ADAMTS17: variants seen among roughly 807,000 people sequenced by gnomAD.
ADAMTS17 encodes A disintegrin and metalloproteinase with thrombospondin motifs 17.
Under a neutral mutation model 141.5 loss-of-function variants are expected in ADAMTS17, and 113 were observed. The ratio of observed to expected loss-of-function variants is 0.80; its 90% confidence interval spans 0.69 to 0.93. ADAMTS17 has a LOEUF of 0.93. Ranked by LOEUF, ADAMTS17 falls within the 40% of genes least tolerant of loss-of-function variation. ADAMTS17 has a pLI of 0.00. For synonymous variants in ADAMTS17, 768 were observed against 630.6 expected (o/e 1.22, Z -3.27); for missense variants, 1,659 against 1,517.9 (o/e 1.09, Z -1.54).
intron 8 of ADAMTS17, among the ~76,000 whole-genome samples, chr15:100,198,132 C>T (rs2041189905): frequency 6.6e-6 from 1 of 152,094 alleles, no homozygotes; most frequent in Non-Finnish European, 1.5e-5. Context: ...TGTAACAAAC[C>T]TGCACATTCT....
At chr15:100,160,846 C>A (rs1204979450) in intron 8 of ADAMTS17, among the ~76,000 whole-genome samples, 1 of 152,180 alleles carries the variant, frequency 6.6e-6, no homozygotes, top group Non-Finnish European at 1.5e-5. Context: ...GATTAACCAG[C>A]ATTAGACCGG....
chr15:100,289,086 T>C (rs992816621), intron 3 of ADAMTS17, among the ~76,000 whole-genome samples: 2 of 152,014 alleles, frequency 1.3e-5, no homozygotes, highest in Non-Finnish European at 2.9e-5. Flanking sequence ...GTAAATAAGA[T>C]TGGTAGACCT....
chr15:100,173,334 C>A (rs1350260665), intron 8 of ADAMTS17, among the ~76,000 whole-genome samples: 1 of 152,132 alleles, frequency 6.6e-6, no homozygotes, highest in Non-Finnish European at 1.5e-5. Flanking sequence ...GAGCAGAACT[C>A]TCATCCACCA....
chr15:99,978,197 G>A (rs147895209), intron 20 of ADAMTS17, among the ~76,000 whole-genome samples: 1 of 152,298 alleles, frequency 6.6e-6, no homozygotes, highest in Non-Finnish European at 1.5e-5. Context: ...GGGAGGCGGT[G>A]GTGTCCCATC....
intron 15 of ADAMTS17, among the ~76,000 whole-genome samples, chr15:100,064,013 G>C (rs898093861): frequency 1.3e-5 from 2 of 152,002 alleles, no homozygotes; most frequent in African/African-American, 4.8e-5. Flanking sequence ...TTCTAACTGG[G>C]CCCCCCCTTC....
intron 3 of ADAMTS17, among the ~76,000 whole-genome samples, chr15:100,322,917 C>G (rs953669307): frequency 6.6e-6 from 1 of 151,474 alleles, no homozygotes; most frequent in African/African-American, 2.4e-5. Flanking sequence ...GAAAGCCCAT[C>G]TCTACTAAAA....
intron 12 of ADAMTS17, among the ~76,000 whole-genome samples, chr15:100,125,263 G>C (rs1273207712): frequency 1.3e-5 from 2 of 152,198 alleles, no homozygotes; most frequent in African/African-American, 4.8e-5. Context: ...TCCTCTGAAA[G>C]GTGTCCAAGT....
intron 7 of ADAMTS17, among the ~76,000 whole-genome samples, chr15:100,201,341 CT>C (rs1567342283): frequency 1.5e-5 from 2 of 129,736 alleles, no homozygotes; most frequent in African/African-American, 5.5e-5. Flanking sequence ...CCTCCCCCCT[CT>C]CTCCTGCTGC....
At chr15:100,332,985 C>T (rs1233948937) in intron 2 of ADAMTS17, among the ~76,000 whole-genome samples, 1 of 152,146 alleles carries the variant, frequency 6.6e-6, no homozygotes, top group African/African-American at 2.4e-5. Context: ...TCTCACTGTC[C>T]CCAGGTTCCT....
intron 7 of ADAMTS17, among the ~76,000 whole-genome samples, chr15:100,209,085 C>T (rs2054564): frequency 0.45 from 60,967 of 136,780 alleles, 13,732 homozygotes; most frequent in African/African-American, 0.58. Context: ...CAATGCAAGG[C>T]CATGCATGGA....
intron 5 of ADAMTS17, among the ~76,000 whole-genome samples, chr15:100,261,994 A>G (rs1054502801): frequency 6.6e-6 from 1 of 152,176 alleles, no homozygotes; most frequent in African/African-American, 2.4e-5. Context: ...AGACCAGAAA[A>G]TGATGCTGCC....
rs999624339 is a variant in ADAMTS17 at position 100,324,162 on chromosome 15, G to A, written c.616+6727C>T. ...TCTACTAAAAGTACAGAAATCAGTCGGGCGTGCTGGTGGGCACCTGTGGTC... is the reference window on the plus strand; with the variant it reads ...TCTACTAAAAGTACAGAAATCAGTCAGGCGTGCTGGTGGGCACCTGTGGTC... On this transcript the variant is annotated intron_variant, in intron 3 of 21. Transcript: ENST00000268070. 6.6e-5 allele frequency among the ~76,000 whole-genome samples: 10 copies of A among 152,146 alleles called. 1 individual carries two copies. The highest frequency in any genetic ancestry group is 5.8e-4 in the East Asian group (3 of 5,180).
At chr15:100,124,443 G>A (rs151110898) in intron 12 of ADAMTS17, among the ~76,000 whole-genome samples, 338 of 152,324 alleles carry the variant, frequency 2.2e-3, no homozygotes, top group African/African-American at 7.6e-3. Flanking sequence ...ACACGCATCC[G>A]AACGGCCAAA....
At chr15:99,986,957 G>A (rs1001425186) in intron 20 of ADAMTS17, among the ~76,000 whole-genome samples, 3 of 152,194 alleles carry the variant, frequency 2.0e-5, no homozygotes, top group Admixed American at 6.5e-5. Flanking sequence ...AACGTGATGT[G>A]TGTCCCTCAT....
intron 8 of ADAMTS17, among the ~76,000 whole-genome samples, chr15:100,169,006 G>A (rs2040057897): frequency 1.3e-5 from 2 of 152,288 alleles, no homozygotes; most frequent in South Asian, 4.1e-4. Flanking sequence ...GGCCAGCGCG[G>A]TGGTGGTGGG....
At chr15:100,220,018 G>C (rs2042083877) in intron 7 of ADAMTS17, among the ~76,000 whole-genome samples, 1 of 152,146 alleles carries the variant, frequency 6.6e-6, no homozygotes, top group Admixed American at 6.5e-5. Context: ...GAAGGAAAAT[G>C]AGACCTCACA....
Position 100,171,274 on chromosome 15 carries a change from C to T in ADAMTS17, c.1182-15954G>A, listed in dbSNP as rs201874610. ...CTGCTTCCTGCTCCTAATGGCCTTA[C>T]CCCCTTCCTTCCTTCCTTCTTTAAG... is the stretch of plus-strand genomic sequence containing the variant. On this transcript the variant is annotated intron_variant, in intron 8 of 21. Transcript: ENST00000268070. Among the ~76,000 whole-genome samples the T allele has an allele frequency of 2.8e-4, 43 of 152,252 alleles. No homozygotes were observed. In the East Asian group the frequency reaches 7.1e-3, roughly 25 times the overall value.
intron 3 of ADAMTS17, among the ~76,000 whole-genome samples, chr15:100,329,348 G>A (rs924051152): frequency 1.3e-5 from 2 of 152,044 alleles, no homozygotes; most frequent in Non-Finnish European, 2.9e-5. Flanking sequence ...AGACCAGCCT[G>A]GGCAACACAG....
intron 18 of ADAMTS17, among the ~76,000 whole-genome samples, chr15:100,022,054 C>T (rs144896716): frequency 1.6e-3 from 247 of 152,282 alleles, no homozygotes; most frequent in African/African-American, 5.5e-3. Flanking sequence ...AGATCTAGTT[C>T]GGGCTCCCAG....
Sources: gnomAD v4.1 joint callset for allele counts (sites outside exome capture counted in the v4.1 genomes callset) on GRCh38, gnomAD v4.1.1 for gene constraint, MANE v1.5 for transcripts, NCBI Gene and HGNC (gene_info 2026-07-23, HGNC 2026-07-21) for gene names.